Variants in CXADR observed in about 807,000 individuals in gnomAD.
CXADR encodes CXADR cell adhesion molecule.
CXADR carries 20 observed loss-of-function variants against 40.3 expected under a neutral mutation model. The ratio of observed to expected loss-of-function variants is 0.50; its 90% CI spans 0.35 to 0.72. The LOEUF is 0.72. CXADR is among the 30% of genes least tolerant of loss of function. The pLI, the probability that CXADR is intolerant of heterozygous loss-of-function variation, is 0.01. For synonymous variants in CXADR, 150 were observed against 161.3 expected (o/e 0.93, Z 0.53); for missense variants, 332 against 449.1 (o/e 0.74, Z 2.36).
chr21:17,632,704 A>T, the CXADR span, among the ~76,000 whole-genome samples: 11 of 151,564 alleles, frequency 7.3e-5, no homozygotes, highest in Non-Finnish European at 1.5e-4. Context: ...CATCTCTACT[A>T]AAAATACAAA....
At chr21:17,531,911 T>C (rs1367218983) in intron 1 of CXADR, among the ~76,000 whole-genome samples, 1 of 150,856 alleles carries the variant, frequency 6.6e-6, no homozygotes, top group East Asian at 2.0e-4. Flanking sequence ...ATAAAAGGTG[T>C]CTTATTCCTG....
rs189529149 is a variant in CXADR at position 17,566,661 on chromosome 21, T to C, written c.*969T>C. 4 of 984,638 alleles carry C rather than the reference T, an allele frequency of 4.1e-6. No individual in the cohort carries two copies. Among genetic ancestry groups the C allele is most frequent in the East Asian group, 1.2e-4 (1 of 8,614 alleles). 61.0% of individuals were successfully genotyped at this position (984,638 alleles called of 1,614,324 possible). On this transcript the variant is annotated 3_prime_UTR_variant, in exon 7 of 7. Coordinates refer to ENST00000284878, the MANE Select transcript of CXADR (RefSeq NM_001338.5). ...AAGTGGTTCTTTGGTTCCAGTGCTT[T>C]ATGTTGTTGTTGTTTTTGGATGGTG...
chr21:17,551,353 A>G (rs2060965294), intron 2 of CXADR, among the ~76,000 whole-genome samples: 1 of 152,128 alleles, frequency 6.6e-6, no homozygotes, highest in Non-Finnish European at 1.5e-5. Flanking sequence ...AGATCTCACC[A>G]TTGCACTCCA....
rs551856560 is a variant in CXADR at position 17,567,624 on chromosome 21, T to G, written c.*1932T>G. The G allele has an allele frequency of 2.0e-6, 2 of 983,600 alleles. No homozygotes were observed. Among genetic ancestry groups the G allele is most frequent in the South Asian group, 4.7e-5 (1 of 21,258 alleles). The allele number at this position is 983,600 out of a possible 1,614,324, so 60.9% of individuals were successfully genotyped here. ...TCATAAAGGTTTAGAAATTTCAATA[T>G]TCCCAACACTCTATGTTTCTGATTT... On this transcript the variant is annotated 3_prime_UTR_variant, in exon 7 of 7. Transcript: ENST00000284878.
downstream of CXADR, among the ~76,000 whole-genome samples, chr21:17,571,991 A>G (rs117909088): frequency 3.4e-3 from 518 of 152,268 alleles, 13 homozygotes; most frequent in East Asian, 0.073. Context: ...TAAGAAACCT[A>G]TGGACACTGG....
At chr21:17,615,638 G>C in the CXADR span, among the ~76,000 whole-genome samples, 2 of 152,160 alleles carry the variant, frequency 1.3e-5, no homozygotes, top group African/African-American at 4.8e-5. Flanking sequence ...AATGAAACCA[G>C]GGATAAGAGG....
Position 17,551,793 on chromosome 21 carries a change from A to G in CXADR, c.255A>G (p.Pro85=), listed in dbSNP as rs1265616089. The G allele has an allele frequency of 1.2e-6, 2 of 1,613,792 alleles. No individual in the cohort carries two copies. The highest frequency in any genetic ancestry group is 1.7e-6 in the Non-Finnish European group (2 of 1,179,782). ...ACAAAATTTATGATGACTACTATCC[A>G]GATCTGAAAGGCCGAGTACATTTTA... ...SGDKIYDDYY[P]DLKGRVHFTS... is the part of the protein sequence containing the mutation. The change falls in exon 3 of 7, where the codon CCA becomes CCG. Residue 85 remains proline, a synonymous_variant. Transcript: ENST00000284878.
chr21:17,525,947 GAA>G (rs1298870107), intron 1 of CXADR, among the ~76,000 whole-genome samples: 1 of 152,134 alleles, frequency 6.6e-6, no homozygotes, highest in East Asian at 1.9e-4. Flanking sequence ...AAGGCAAAAA[GAA>G]AAATGTGAAA....
chr21:17,575,000 CAT>C (rs753649010), downstream of CXADR, among the ~76,000 whole-genome samples: 1,317 of 9,084 alleles, frequency 0.14, 14 homozygotes, highest in African/African-American at 0.21. Context: ...TATACACACA[CAT>C]ACATACATAC....
At chr21:17,580,624 A>G (rs974922773) in intron 7 of CXADR, among the ~76,000 whole-genome samples, 2 of 152,186 alleles carry the variant, frequency 1.3e-5, no homozygotes, top group African/African-American at 2.4e-5. Flanking sequence ...CCAAAAATAC[A>G]TAAATAAAGA....
intron 4 of CXADR, among the ~76,000 whole-genome samples, chr21:17,560,160 C>T (rs182625498): frequency 4.4e-4 from 67 of 152,242 alleles, no homozygotes; most frequent in African/African-American, 1.5e-3. Context: ...CAAATCTGCT[C>T]ACCTATTTGT....
At chr21:17,605,614 T>G in the CXADR span, among the ~76,000 whole-genome samples, 1 of 152,218 alleles carries the variant, frequency 6.6e-6, no homozygotes, top group Non-Finnish European at 1.5e-5. Flanking sequence ...CCCAAGCACT[T>G]TTATTTAAAT....
chr21:17,612,083 G>C, the CXADR span: 3 of 152,370 alleles, frequency 2.0e-5, no homozygotes, highest in African/African-American at 7.2e-5. Flanking sequence ...GGGGTTTTGA[G>C]AGAGGTAGGT....
chr21:17,534,788 C>CGTTTTTTTTT (rs1319891227), intron 1 of CXADR, among the ~76,000 whole-genome samples: 5 of 67,312 alleles, frequency 7.4e-5, no homozygotes, highest in African/African-American at 1.9e-4. Flanking sequence ...TTATTTTCTT[C>CGTTTTTTTTT]CTTTTTTTTT....
intron 7 of CXADR, among the ~76,000 whole-genome samples, chr21:17,590,579 A>G (rs1057186428): frequency 2.6e-5 from 4 of 152,054 alleles, no homozygotes; most frequent in African/African-American, 9.7e-5. Flanking sequence ...GTACGAGTCA[A>G]TGCCATAAAG....
At chr21:17,530,197 A>C (rs2060654856) in intron 1 of CXADR, among the ~76,000 whole-genome samples, 1 of 146,966 alleles carries the variant, frequency 6.8e-6, no homozygotes, top group Admixed American at 7.1e-5. Context: ...CTTGACCTCA[A>C]GTGATCAATC....
intron 1 of CXADR, chr21:17,543,114 G>A (rs941493159): frequency 1.0e-4 from 32 of 315,996 alleles, no homozygotes; most frequent in Admixed American, 2.1e-4. Flanking sequence ...TTAAAAAATC[G>A]TTTTAAAATA....
chr21:17,560,204 G>C (rs1850455983), intron 4 of CXADR, among the ~76,000 whole-genome samples: 1 of 152,076 alleles, frequency 6.6e-6, no homozygotes, highest in Non-Finnish European at 1.5e-5. Flanking sequence ...CTGATGACCA[G>C]GCTCCACCCC....
At chr21:17,619,666 A>G in the CXADR span, among the ~76,000 whole-genome samples, 1 of 151,576 alleles carries the variant, frequency 6.6e-6, no homozygotes, top group Admixed American at 6.6e-5. Flanking sequence ...ACTTCTCTCC[A>G]GTTATGAAGG....
Sources: gnomAD v4.1 joint callset for allele counts (sites outside exome capture counted in the v4.1 genomes callset) on GRCh38, gnomAD v4.1.1 for gene constraint, MANE v1.5 for transcripts, NCBI Gene and HGNC (gene_info 2026-07-23, HGNC 2026-07-21) for gene names.